STK39: variants seen among roughly 807,000 people sequenced by gnomAD.
The protein encoded by STK39 is STE20/SPS1-related proline-alanine-rich protein kinase.
STK39 carries 20 observed loss-of-function variants against 77.8 expected under a neutral mutation model. That is an observed-to-expected ratio of 0.26 (90% CI 0.18 to 0.37). The LOEUF (loss-of-function observed/expected upper bound fraction) is 0.37. STK39 is among the 10% of genes least tolerant of loss of function. The probability of loss-of-function intolerance (pLI) is 1.00; values close to 1 mark genes in which losing one functional copy is unlikely to be tolerated. For missense variants in STK39, 479 were observed against 656.5 expected (o/e 0.73, Z 2.95); for synonymous variants, 246 against 234.1 (o/e 1.05, Z -0.47).
In STK39 at chr2:167,956,559, C is replaced by T. The variant is rs530223714; in HGVS notation, c.1564-989G>A. Reference sequence around the variant, plus strand: ...AGCCTGGCGACAGAGCGAGACTCCACCTCAGAAAAAAAAAAAAAAGGAAGC... The same window carrying T: ...AGCCTGGCGACAGAGCGAGACTCCATCTCAGAAAAAAAAAAAAAAGGAAGC... On this transcript the variant is annotated intron_variant, in intron 17 of 17. Transcript: ENST00000355999. Among the ~76,000 whole-genome samples the T allele has an allele frequency of 2.0e-4, 24 of 118,382 alleles. No homozygotes were observed. In the South Asian group the frequency reaches 5.1e-3, roughly 25 times the overall value. 77.7% of individuals were successfully genotyped at this position (118,382 alleles called of 152,430 possible).
intron 17 of STK39, among the ~76,000 whole-genome samples, chr2:167,956,190 C>T (rs895005489): frequency 1.3e-5 from 2 of 152,068 alleles, no homozygotes; most frequent in Admixed American, 1.3e-4. Flanking sequence ...ATATTAATTG[C>T]CTAAAATTGG....
intron 16 of STK39, among the ~76,000 whole-genome samples, chr2:168,001,035 C>T (rs578031265): frequency 6.7e-4 from 102 of 152,254 alleles, no homozygotes; most frequent in East Asian, 3.1e-3. Context: ...CAGGCCCATG[C>T]GTTTGCACCT....
intron 1 of STK39, among the ~76,000 whole-genome samples, chr2:168,186,707 A>G (rs1689217792): frequency 6.6e-6 from 1 of 152,180 alleles, no homozygotes; most frequent in Non-Finnish European, 1.5e-5. Flanking sequence ...GAAAACATCA[A>G]CTCAATAAAT....
At chr2:168,007,574 T>G (rs6744574) in intron 16 of STK39, among the ~76,000 whole-genome samples, 2,112 of 152,022 alleles carry the variant, frequency 0.014, 54 homozygotes, top group African/African-American at 0.048. Flanking sequence ...AATAACAAAA[T>G]AAGAAAGAGG....
At chr2:168,240,706 A>T (rs1457982399) in intron 1 of STK39, among the ~76,000 whole-genome samples, 1 of 152,262 alleles carries the variant, frequency 6.6e-6, no homozygotes, top group Non-Finnish European at 1.5e-5. Context: ...CCTGTGAAAC[A>T]TTCAAACGAA....
At chr2:168,172,202 T>C (rs897151787) in intron 2 of STK39, among the ~76,000 whole-genome samples, 5 of 152,208 alleles carry the variant, frequency 3.3e-5, no homozygotes, top group African/African-American at 1.2e-4. Context: ...AATGTCTCAG[T>C]TTCTTCGTTG....
chr2:168,016,216 CT>C (rs1684399817), intron 15 of STK39, among the ~76,000 whole-genome samples: 1 of 152,238 alleles, frequency 6.6e-6, no homozygotes, highest in East Asian at 1.9e-4. Flanking sequence ...GTGTGAGCCA[CT>C]GTGCCTGGCC....
rs546981826 is a variant in STK39, at chr2:168,084,061, C to A, written c.1090-8830G>T. Among the ~76,000 whole-genome samples, 4 of 151,906 alleles carry A rather than the reference C, an allele frequency of 2.6e-5. No homozygotes were observed. The South Asian group carries it at 8.3e-4, about 32-fold the overall frequency. ...AAAAAAAAAAAAAACTTTCTCTGTG[C>A]AGCCTAAAAATTAATGTCTTTGGGA... On this transcript the variant is annotated intron_variant, in intron 10 of 17. Transcript: ENST00000355999.
At chr2:168,016,012 C>A (rs189664636) in intron 15 of STK39, among the ~76,000 whole-genome samples, 1 of 152,312 alleles carries the variant, frequency 6.6e-6, no homozygotes, top group African/African-American at 2.4e-5. Flanking sequence ...AATGCACTCT[C>A]TGCCTCCCAG....
At chr2:168,107,448 G>A (rs1687004498) in intron 10 of STK39, among the ~76,000 whole-genome samples, 1 of 152,164 alleles carries the variant, frequency 6.6e-6, no homozygotes, top group Non-Finnish European at 1.5e-5. Flanking sequence ...AAGATGTTAG[G>A]ATAATTATAT....
At chr2:168,089,405 A>C (rs372870199) in intron 10 of STK39, among the ~76,000 whole-genome samples, 5 of 152,342 alleles carry the variant, frequency 3.3e-5, no homozygotes, top group East Asian at 1.9e-4. Context: ...ATAAAACAGA[A>C]AGTATAAGTA....
chr2:168,247,592 G>A lies in STK39; in HGVS notation c.-157C>T, dbSNP rs1028311909. The A allele has an allele frequency of 2.8e-5, 11 of 396,054 alleles. No homozygotes were observed. Among genetic ancestry groups the A allele is most frequent in the South Asian group, 8.7e-5 (1 of 11,442 alleles). The allele number at this position is 396,054 out of a possible 1,614,324, so 24.5% of individuals were successfully genotyped here. A position where few individuals can be genotyped will look rare whatever the true frequency, so the allele number is the denominator to read the frequency against. ...CGCCGAAGCCAGCTAGGAGGGGAGG[G>A]AGCAAGGGAGGCCGAGCTGGGCGGA... On this transcript the variant is annotated 5_prime_UTR_variant, in exon 1 of 18. Transcript: ENST00000355999.
intron 16 of STK39, among the ~76,000 whole-genome samples, chr2:168,004,748 A>T (rs988888030): frequency 2.6e-4 from 40 of 151,292 alleles, no homozygotes; most frequent in African/African-American, 9.2e-4. Context: ...AAAAAAAAAA[A>T]AATTAAAATA....
chr2:168,204,306 C>T (rs1385436692), intron 1 of STK39, among the ~76,000 whole-genome samples: 4 of 152,304 alleles, frequency 2.6e-5, no homozygotes, highest in African/African-American at 4.8e-5. Flanking sequence ...GATACAAGCA[C>T]GGGTTTCCTC....
chr2:168,220,210 A>C (rs56841252), intron 1 of STK39, among the ~76,000 whole-genome samples: 8,952 of 152,124 alleles, frequency 0.059, 691 homozygotes, highest in East Asian at 0.26. Flanking sequence ...ATGTGCCAAT[A>C]ATGAAAGGAA....
chr2:168,107,474 C>A (rs1687005164), intron 10 of STK39, among the ~76,000 whole-genome samples: 1 of 152,198 alleles, frequency 6.6e-6, no homozygotes, highest in African/African-American at 2.4e-5. Flanking sequence ...GCATGACAAG[C>A]ACCATTTCTG....
chr2:168,196,506 T>C (rs1365898504), intron 1 of STK39, among the ~76,000 whole-genome samples: 7 of 151,894 alleles, frequency 4.6e-5, no homozygotes, highest in African/African-American at 1.2e-4. Context: ...CTACTAAAAA[T>C]ACAAAAAATT....
intron 14 of STK39, among the ~76,000 whole-genome samples, chr2:168,047,891 C>G (rs1041373012): frequency 9.9e-5 from 15 of 152,182 alleles, no homozygotes; most frequent in African/African-American, 3.1e-4. Flanking sequence ...CTTCCATATC[C>G]AAATTCATTA....
At chr2:168,217,746 A>G (rs1690061804) in intron 1 of STK39, among the ~76,000 whole-genome samples, 1 of 152,228 alleles carries the variant, frequency 6.6e-6, no homozygotes, top group South Asian at 2.1e-4. Context: ...TGGCAAGAAA[A>G]AAAGTCTGTA....
Sources: allele counts gnomAD v4.1 joint callset (sites outside exome capture counted in the v4.1 genomes callset), GRCh38; gene constraint gnomAD v4.1.1; transcripts MANE v1.5; gene names NCBI Gene and HGNC (gene_info 2026-07-23, HGNC 2026-07-21).